The following GLIS3 variants were observed in gnomAD, a reference collection of about 807,000 sequenced individuals.
GLIS3 encodes the protein GLIS family zinc finger 3, also known as zinc finger protein GLIS3.
Under a neutral mutation model 78.6 loss-of-function variants are expected in GLIS3, and 53 were observed. That is an observed-to-expected ratio of 0.67 (90% CI 0.54 to 0.85). The LOEUF is 0.85. GLIS3 is among the 40% of genes least tolerant of loss of function. The pLI, the probability that GLIS3 is intolerant of heterozygous loss-of-function variation, is 0.00. For synonymous variants in GLIS3, 684 were observed against 509.9 expected, an observed-to-expected ratio of 1.34 and a Z score of -4.60; for missense variants, 1,703 against 1,231.1, an observed-to-expected ratio of 1.38 and a Z score of -5.74.
intron 2 of GLIS3, among the ~76,000 whole-genome samples, chr9:4,194,384 A>G (rs930501192): frequency 6.6e-6 from 1 of 152,226 alleles, no homozygotes; most frequent in Admixed American, 6.5e-5. Flanking sequence ...TTTAAAAGGC[A>G]GAGGTAAAAA....
chr9:3,871,460 C>T (rs773508985), intron 8 of GLIS3, among the ~76,000 whole-genome samples: 1 of 152,218 alleles, frequency 6.6e-6, no homozygotes, highest in African/African-American at 2.4e-5. Flanking sequence ...TGTGCCCCTG[C>T]AGCAAACTTC....
At chr9:4,344,639 T>C (rs1320605869) in intron 2 of GLIS3, among the ~76,000 whole-genome samples, 1 of 152,224 alleles carries the variant, frequency 6.6e-6, no homozygotes, top group African/African-American at 2.4e-5. Flanking sequence ...GTCTAAACTT[T>C]CCAGTGAATT....
chr9:3,881,181 G>GTGTT (rs1821706251), intron 7 of GLIS3, among the ~76,000 whole-genome samples: 1 of 152,132 alleles, frequency 6.6e-6, no homozygotes, highest in Non-Finnish European at 1.5e-5. Context: ...TTCAAAACTG[G>GTGTT]TGTTTGTCAG....
At chr9:4,416,392 G>A in the GLIS3 span, among the ~76,000 whole-genome samples, 1 of 151,494 alleles carries the variant, frequency 6.6e-6, no homozygotes, top group Non-Finnish European at 1.5e-5. Flanking sequence ...AAATGTAAGG[G>A]AAAACAAAAT....
Position 4,118,520 on chromosome 9 carries a change from T to C in GLIS3, c.958A>G (p.Ile320Val). 4 of 1,614,180 alleles carry C rather than the reference T, an allele frequency of 2.5e-6. No homozygotes were observed. The highest frequency in any genetic ancestry group is 3.4e-6 in the Non-Finnish European group (4 of 1,180,008). The change falls in exon 4 of 11, where the codon ATC becomes GTC. Residue 320 changes from isoleucine (I) to valine (V), a missense_variant. Ile to Val is a conservative substitution (Grantham distance 29). Coordinates refer to ENST00000381971, the MANE Select transcript of GLIS3 (RefSeq NM_001042413.2). This position sits in a 1 kb window ranked among gnomAD's most constrained non-coding sequence, Gnocchi z 4.7. The part of the protein sequence containing the change: ...DGIGIDFNTI[I>V]RTSPTSLVAY... ...ACCAAGGACGTGGGCGACGTGCGGATGATGGTATTGAAATCTATCCCGATG... is the reference window on the plus strand; with the variant it reads ...ACCAAGGACGTGGGCGACGTGCGGACGATGGTATTGAAATCTATCCCGATG...
At chr9:4,033,886 A>AAAAAAAAAC (rs1185830960) in intron 4 of GLIS3, among the ~76,000 whole-genome samples, 1 of 149,600 alleles carries the variant, frequency 6.7e-6, no homozygotes, top group African/African-American at 2.5e-5. Flanking sequence ...AAAAAAAAAA[A>AAAAAAAAAC]AAAACTAGAA....
the GLIS3 span, among the ~76,000 whole-genome samples, chr9:4,402,453 A>C: frequency 6.6e-6 from 1 of 152,242 alleles, no homozygotes; most frequent in Admixed American, 6.5e-5. Flanking sequence ...CATCCAGGAA[A>C]ACATGACCTC....
At chr9:3,848,783 G>T (rs1819223127) in intron 9 of GLIS3, among the ~76,000 whole-genome samples, 1 of 152,200 alleles carries the variant, frequency 6.6e-6, no homozygotes, top group South Asian at 2.1e-4. Context: ...TTTTGTTCTT[G>T]GAGTCCTGTT....
the GLIS3 span, among the ~76,000 whole-genome samples, chr9:4,400,295 A>G: frequency 6.6e-6 from 1 of 152,246 alleles, no homozygotes; most frequent in African/African-American, 2.4e-5. Context: ...AATACGGACA[A>G]GAAATGATGG....
At chr9:4,035,594 G>A (rs1824230755) in intron 4 of GLIS3, among the ~76,000 whole-genome samples, 1 of 151,912 alleles carries the variant, frequency 6.6e-6, no homozygotes, top group South Asian at 2.1e-4. Flanking sequence ...TACTGCAGCA[G>A]TGCCCTAACT....
chr9:4,474,055 AC>A, the GLIS3 span, among the ~76,000 whole-genome samples: 1 of 152,196 alleles, frequency 6.6e-6, no homozygotes, highest in South Asian at 2.1e-4. Flanking sequence ...TCACTCCCAA[AC>A]AAAATTTCAG....
intron 4 of GLIS3, among the ~76,000 whole-genome samples, chr9:4,022,995 G>A (rs972624392): frequency 6.6e-5 from 10 of 152,092 alleles, no homozygotes; most frequent in African/African-American, 2.2e-4. Context: ...TGTTTATGGT[G>A]GTGATTTCAC....
chr9:4,429,055 T>C, the GLIS3 span, among the ~76,000 whole-genome samples: 3 of 152,292 alleles, frequency 2.0e-5, no homozygotes, highest in East Asian at 5.8e-4. Flanking sequence ...ATCCACTCTA[T>C]CAGGTGGTAC....
chr9:4,308,638 AC>A, intron 4 of GLIS3: 1 of 152,608 alleles, frequency 6.6e-6, no homozygotes, highest in Non-Finnish European at 1.5e-5. Flanking sequence ...GCCAGGCCCC[AC>A]CCCCCAGAGA....
intron 2 of GLIS3, among the ~76,000 whole-genome samples, chr9:4,262,034 G>A (rs1167604563): frequency 6.6e-6 from 1 of 152,102 alleles, no homozygotes; most frequent in Non-Finnish European, 1.5e-5. Context: ...ATATTTTCAT[G>A]GAGAGGAAAA....
chr9:4,247,010 C>T lies in GLIS3; in HGVS notation c.388+39028G>A, dbSNP rs998369818. ...GTGAAAAGTGGTTGAATTGTCTGTT[C>T]CACATTTTTTCACTAGAACAACTGA... On this transcript the variant is annotated intron_variant, in intron 2 of 10. Coordinates refer to ENST00000381971, the MANE Select transcript of GLIS3 (RefSeq NM_001042413.2). Among the ~76,000 whole-genome samples, 3 of 152,120 alleles carry T rather than the reference C, an allele frequency of 2.0e-5. No homozygotes were observed. The South Asian group carries it at 6.2e-4, about 32-fold the overall frequency.
At chr9:4,434,159 G>C in the GLIS3 span, among the ~76,000 whole-genome samples, 1 of 151,422 alleles carries the variant, frequency 6.6e-6, no homozygotes, top group Non-Finnish European at 1.5e-5. Flanking sequence ...TCAGAATTGG[G>C]TACTCAGGCC....
chr9:4,326,401 G>A (rs561938063), intron 2 of GLIS3, among the ~76,000 whole-genome samples: 1 of 152,288 alleles, frequency 6.6e-6, no homozygotes, highest in Admixed American at 6.5e-5. Context: ...GCGGACACAT[G>A]CTACAACATG....
chr9:3,996,223 G>T (rs1459026473), intron 4 of GLIS3, among the ~76,000 whole-genome samples: 4 of 152,080 alleles, frequency 2.6e-5, no homozygotes, highest in African/African-American at 7.2e-5. Context: ...AAAACTGACA[G>T]ATCCTCACTA....
Sources: gnomAD v4.1 joint callset for allele counts (sites outside exome capture counted in the v4.1 genomes callset) on GRCh38, gnomAD v4.1.1 for gene constraint, Gnocchi (gnomAD v3.1) non-coding constraint, MANE v1.5 for transcripts, NCBI Gene and HGNC (gene_info 2026-07-23, HGNC 2026-07-21) for gene names.